Variants in SFMBT1 observed in about 807,000 individuals in gnomAD.
SFMBT1 encodes the protein Scm like with four mbt domains 1.
Under a neutral mutation model 108.7 loss-of-function variants are expected in SFMBT1, and 32 were observed. The observed-to-expected ratio is 0.29, with a 90% CI of 0.22 to 0.40. SFMBT1 has a LOEUF of 0.40. SFMBT1 is among the 10% of genes least tolerant of loss of function. The pLI is 1.00. For missense variants in SFMBT1, 816 were observed against 1,059.6 expected, an observed-to-expected ratio of 0.77 and a Z score of 3.19; for synonymous variants, 348 against 369.5, an observed-to-expected ratio of 0.94 and a Z score of 0.67.
chr3:52,921,653 G>A, intron 11 of SFMBT1, 52 bp downstream of exon 11: 1 of 1,585,578 alleles, frequency 6.3e-7, no homozygotes, highest in South Asian at 1.1e-5. Flanking sequence ...GAGTAAACAG[G>A]AAGCTCAAAG....
chr3:52,971,076 G>T (rs932817447), intron 1 of SFMBT1, among the ~76,000 whole-genome samples: 4 of 152,062 alleles, frequency 2.6e-5, no homozygotes, highest in Non-Finnish European at 5.9e-5. Flanking sequence ...CTGAGGGTAA[G>T]GCTGCAATGA....
intron 1 of SFMBT1, among the ~76,000 whole-genome samples, chr3:53,031,567 G>C (rs190166923): frequency 6.8e-6 from 1 of 147,804 alleles, no homozygotes; most frequent in African/African-American, 2.5e-5. Flanking sequence ...TTAAAAACCT[G>C]AACATTCAGA....
intron 1 of SFMBT1, among the ~76,000 whole-genome samples, chr3:52,976,255 C>T (rs13091844): frequency 0.094 from 14,353 of 152,054 alleles, 699 homozygotes; most frequent in African/African-American, 0.11. Flanking sequence ...AGTTTTTTCT[C>T]AAATCAAAAT....
intron 3 of SFMBT1, among the ~76,000 whole-genome samples, chr3:52,945,204 A>G (rs1462060448): frequency 1.3e-5 from 2 of 150,056 alleles, no homozygotes; most frequent in African/African-American, 4.9e-5. Context: ...GAAAAATACA[A>G]TTAGAGCCTG....
At position 52,919,252 on chromosome 3, in the gene SFMBT1, A is replaced by G. The variant is rs541125310; in HGVS notation, c.1373-726T>C. Reference sequence around the variant, plus strand: ...GAAAACTATAAAACTTATTCTTAATAGTCAAAAAATGGAAACAATTCAAAT... The same window carrying G: ...GAAAACTATAAAACTTATTCTTAATGGTCAAAAAATGGAAACAATTCAAAT... On this transcript the variant is annotated intron_variant, in intron 12 of 20. Transcript: ENST00000394752. Among the ~76,000 whole-genome samples, 10 of 152,314 alleles carry G rather than the reference A, an allele frequency of 6.6e-5. No individual in the cohort carries two copies. In the East Asian group the frequency reaches 1.9e-3, roughly 29 times the overall value.
At chr3:53,042,608 G>T (rs538198947) in intron 1 of SFMBT1, among the ~76,000 whole-genome samples, 1 of 152,318 alleles carries the variant, frequency 6.6e-6, no homozygotes, top group East Asian at 1.9e-4. Context: ...CTCCCAAAGT[G>T]CTGGGATTAT....
At chr3:52,956,485 G>A (rs1703789433) in intron 2 of SFMBT1, among the ~76,000 whole-genome samples, 1 of 151,908 alleles carries the variant, frequency 6.6e-6, no homozygotes, top group African/African-American at 2.4e-5. Flanking sequence ...AATAGGCTGG[G>A]TGCAGTGGCT....
chr3:52,909,924 A>G (rs1167612824), intron 17 of SFMBT1, among the ~76,000 whole-genome samples: 3 of 152,096 alleles, frequency 2.0e-5, no homozygotes, highest in African/African-American at 7.2e-5. Flanking sequence ...CACCTCCCCA[A>G]CTAGTGTGGC....
At chr3:53,042,363 A>G (rs546549763) in intron 1 of SFMBT1, among the ~76,000 whole-genome samples, 1 of 152,304 alleles carries the variant, frequency 6.6e-6, no homozygotes, top group South Asian at 2.1e-4. Flanking sequence ...GTTTTTTGAG[A>G]CAGTGTCACT....
intron 20 of SFMBT1, among the ~76,000 whole-genome samples, chr3:52,905,771 T>C (rs536689175): frequency 6.6e-6 from 1 of 152,346 alleles, no homozygotes; most frequent in South Asian, 2.1e-4. Flanking sequence ...TTAAAACTTA[T>C]CACCACTCTA....
At chr3:52,963,706 G>A (rs1704039699) in intron 2 of SFMBT1, among the ~76,000 whole-genome samples, 1 of 151,666 alleles carries the variant, frequency 6.6e-6, no homozygotes, top group African/African-American at 2.4e-5. Flanking sequence ...TCCTGCCTTT[G>A]CCTCCCAAAG....
chr3:52,960,449 T>C (rs1300632607), intron 2 of SFMBT1, among the ~76,000 whole-genome samples: 2 of 152,148 alleles, frequency 1.3e-5, no homozygotes, highest in Admixed American at 6.5e-5. Flanking sequence ...TGAAATGCCA[T>C]TTCACACATA....
At chr3:53,008,923 C>T (rs1698846191) in intron 1 of SFMBT1, among the ~76,000 whole-genome samples, 1 of 151,924 alleles carries the variant, frequency 6.6e-6, no homozygotes. Flanking sequence ...GCGTGAGCCA[C>T]CGTGCCCGGC....
Position 52,918,492 on chromosome 3 carries a change from T to C in SFMBT1, c.1407A>G (p.Pro469=). The part of the protein sequence containing the change: ...YKQRKIAVVQ[P]EKQVPSSRTV... ...ATTATTACGTTACTTACTGTTTTTC[T>C]GGCTGAACCACTGCAATTTTCCTCT... Residue 469 remains proline (P), a synonymous_variant, in exon 13 of 21, where the codon CCA becomes CCG. Transcript: ENST00000394752. The C allele has an allele frequency of 1.3e-6, 2 of 1,560,600 alleles. No homozygotes were observed. The highest frequency in any genetic ancestry group is 1.7e-6 in the Non-Finnish European group (2 of 1,160,086).
intron 1 of SFMBT1, among the ~76,000 whole-genome samples, chr3:52,986,067 T>A (rs1206458504): frequency 6.7e-6 from 1 of 148,720 alleles, no homozygotes; most frequent in Non-Finnish European, 1.5e-5. Context: ...TGCTTGAACC[T>A]GGGAGGTGGA....
chr3:52,974,833 TAAAA>T (rs10646648), intron 1 of SFMBT1, among the ~76,000 whole-genome samples: 2 of 90,710 alleles, frequency 2.2e-5, no homozygotes, highest in Non-Finnish European at 2.2e-5. Flanking sequence ...CTATAAAAAG[TAAAA>T]AAAAAAAAAA....
intron 1 of SFMBT1, among the ~76,000 whole-genome samples, chr3:53,031,613 C>G (rs866869404): frequency 1.3e-5 from 2 of 149,402 alleles, no homozygotes; most frequent in Non-Finnish European, 3.0e-5. Context: ...AAAAAAGTGT[C>G]CAGGGATAGG....
chr3:52,942,756 C>T (rs536922584), intron 4 of SFMBT1, among the ~76,000 whole-genome samples: 1 of 152,338 alleles, frequency 6.6e-6, no homozygotes, highest in South Asian at 2.1e-4. Flanking sequence ...CTCAGGTGAT[C>T]CAGCCGCCTC....
intron 1 of SFMBT1, among the ~76,000 whole-genome samples, chr3:53,035,781 TG>T (rs1559558218): frequency 6.6e-6 from 1 of 152,160 alleles, no homozygotes; most frequent in Admixed American, 6.5e-5. Context: ...TTAAAATTGA[TG>T]GGGTTTCACT....
Sources: gnomAD v4.1 joint callset for allele counts (sites outside exome capture counted in the v4.1 genomes callset) on GRCh38, gnomAD v4.1.1 for gene constraint, MANE v1.5 for transcripts, NCBI Gene and HGNC (gene_info 2026-07-23, HGNC 2026-07-21) for gene names.